The following TIAM1 variants were observed in gnomAD, a reference collection of about 807,000 sequenced individuals.
The protein encoded by TIAM1 is TIAM Rac1 associated GEF 1.
A neutral mutation model predicts 163.5 loss-of-function variants in TIAM1; 65 were observed. The observed-to-expected ratio is 0.40, with a 90% CI of 0.33 to 0.49. The LOEUF is 0.49. Ranked by LOEUF, TIAM1 falls within the 20% of genes least tolerant of loss-of-function variation. The pLI is 0.77. For synonymous variants in TIAM1, 833 were observed against 810.1 expected, an observed-to-expected ratio of 1.03 and a Z score of -0.48; for missense variants, 1,789 against 2,044.7, an observed-to-expected ratio of 0.87 and a Z score of 2.41.
At chr21:31,174,998 AG>A (rs893804183) in intron 15 of TIAM1, among the ~76,000 whole-genome samples, 7 of 152,116 alleles carry the variant, frequency 4.6e-5, no homozygotes, top group African/African-American at 1.7e-4. Context: ...GGCTGTGTGT[AG>A]TGGTATGATC....
At chr21:31,269,774 C>T (rs2072974514) in intron 3 of TIAM1, among the ~76,000 whole-genome samples, 1 of 151,870 alleles carries the variant, frequency 6.6e-6, no homozygotes, top group African/African-American at 2.4e-5. Context: ...CAGGTTCACG[C>T]CATTCTCCTG....
Position 31,210,603 on chromosome 21 carries a change from AAG to A in TIAM1, c.2218-390_2218-389del, listed in dbSNP as rs1569031507. 2.6e-3 allele frequency among the ~76,000 whole-genome samples: 286 copies of A among 108,314 alleles called. 14 individuals carry two copies. The highest frequency in any genetic ancestry group is 9.7e-3 in the Admixed American group (94 of 9,650). 71.1% of individuals were successfully genotyped at this position (108,314 alleles called of 152,430 possible). On this transcript the variant is annotated intron_variant, in intron 10 of 27. Coordinates refer to ENST00000541036, the MANE Select transcript of TIAM1 (RefSeq NM_001353694.2). ...GAAAGAAAGAAAGAAAGAGAGAAAG[AAG>A]GAAGGAAGGGAGAAAGAAAGAAAGA...
chr21:31,363,814 G>A (rs2076449924), intron 2 of TIAM1, among the ~76,000 whole-genome samples: 1 of 152,118 alleles, frequency 6.6e-6, no homozygotes, highest in Non-Finnish European at 1.5e-5. Context: ...CTCTGTTTCT[G>A]AGGAAACTCT....
At chr21:31,423,700 T>TAAAAAAAAAAAAAAAAAA (rs200137644) in intron 2 of TIAM1, among the ~76,000 whole-genome samples, 1 of 48,224 alleles carries the variant, frequency 2.1e-5, no homozygotes. Context: ...TAGAAAGTTG[T>TAAAAAAAAAAAAAAAAAA]AAAAAAAAAA....
chr21:31,260,619 T>C (rs2072407301), intron 4 of TIAM1, among the ~76,000 whole-genome samples: 1 of 151,816 alleles, frequency 6.6e-6, no homozygotes. Context: ...TATATTCTTG[T>C]TGAAAATGCA....
At chr21:31,128,396 C>T (rs1360421261) in intron 25 of TIAM1, among the ~76,000 whole-genome samples, 1 of 152,106 alleles carries the variant, frequency 6.6e-6, no homozygotes, top group Non-Finnish European at 1.5e-5. Flanking sequence ...AATGGAATGT[C>T]GTATTACAAA....
intron 14 of TIAM1, 74 bp downstream of exon 14, chr21:31,186,927 T>C (rs2085332786): frequency 7.9e-7 from 1 of 1,260,362 alleles, no homozygotes; most frequent in Non-Finnish European, 1.2e-6. Context: ...TGGGCATATC[T>C]TTCTCCTTCA....
intron 25 of TIAM1, among the ~76,000 whole-genome samples, chr21:31,128,106 C>T (rs1382708287): frequency 6.6e-6 from 1 of 152,232 alleles, no homozygotes; most frequent in African/African-American, 2.4e-5. Context: ...ACATTCAGGC[C>T]ATACATTGTG....
rs1464143180 is a variant in TIAM1 at position 31,156,170 on chromosome 21, C to T, written c.2992-1744G>A. Among the ~76,000 whole-genome samples, 3 of 152,164 alleles carry T rather than the reference C, an allele frequency of 2.0e-5. No homozygotes were observed. The East Asian group carries it at 5.8e-4, about 29-fold the overall frequency. On this transcript the variant is annotated intron_variant, in intron 16 of 27. Coordinates refer to ENST00000541036, the MANE Select transcript of TIAM1 (RefSeq NM_001353694.2). ...GAGGCAAGGACAGGGAAAATCAGAA[C>T]CTAAGAAGGATGCATTAGCTGCAGT...
chr21:31,543,899 G>A (rs981995948), intron 1 of TIAM1, among the ~76,000 whole-genome samples: 18 of 145,164 alleles, frequency 1.2e-4, no homozygotes, highest in African/African-American at 3.9e-4. Flanking sequence ...CATATTACAC[G>A]TCCTTAACCA....
intron 1 of TIAM1, among the ~76,000 whole-genome samples, chr21:31,487,434 G>A (rs564034350): frequency 3.3e-5 from 5 of 152,100 alleles, no homozygotes; most frequent in East Asian, 1.9e-4. Flanking sequence ...GCAGTGGTGC[G>A]ATCTCGGCTC....
chr21:31,411,903 T>C lies in TIAM1; in HGVS notation c.-369+52080A>G, dbSNP rs756262020. On this transcript the variant is annotated intron_variant, in intron 2 of 28. Transcript: ENST00000286827. ...TGGGCAATCGGACAGCACTAGAAAG[T>C]GCATTTCGTCAGCTCTTTTAAAGAA... 2.7e-4 allele frequency among the ~76,000 whole-genome samples: 39 copies of C among 143,002 alleles called. 1 individual carries two copies. The highest frequency in any genetic ancestry group is 4.9e-4 in the Non-Finnish European group (31 of 63,782). The allele number at this position is 143,002 out of a possible 152,430, so 93.8% of individuals were successfully genotyped here.
chr21:31,465,897 G>A (rs929966095), intron 1 of TIAM1, among the ~76,000 whole-genome samples: 1 of 152,036 alleles, frequency 6.6e-6, no homozygotes, highest in East Asian at 1.9e-4. Flanking sequence ...TAGTAGAGAC[G>A]GGGTTTCACC....
chr21:31,319,487 ACTATAAC>A (rs1569213774), intron 2 of TIAM1, among the ~76,000 whole-genome samples: 1 of 152,114 alleles, frequency 6.6e-6, no homozygotes, highest in Non-Finnish European at 1.5e-5. Context: ...TAAAAAAATT[ACTATAAC>A]CTGGCCGGGC....
chr21:31,228,958 ACT>A (rs1399186872), intron 6 of TIAM1, among the ~76,000 whole-genome samples: 6 of 152,156 alleles, frequency 3.9e-5, no homozygotes, highest in Non-Finnish European at 7.4e-5. Flanking sequence ...GTGAGAACTC[ACT>A]CACTTTCACA....
rs1228345840 is a variant in TIAM1, at chr21:31,359,860, GGA to G, written c.-368-20440_-368-20439del. The stretch of plus-strand genomic sequence containing the variant: ...AGGAAGGAAGGAAGGAAGGAAGGAA[GGA>G]AGGGAGGGAGGGAGGAAAGACAATG... On this transcript the variant is annotated intron_variant, in intron 2 of 28. Transcript: ENST00000286827. Among the ~76,000 whole-genome samples the G allele has an allele frequency of 4.4e-3, 636 of 144,788 alleles. 16 individuals are homozygous for G. The highest frequency in any genetic ancestry group is 0.016 in the Admixed American group (226 of 14,378). 95.0% of individuals were successfully genotyped at this position (144,788 alleles called of 152,430 possible). A position where few individuals can be genotyped will look rare whatever the true frequency, so the allele number is the denominator to read the frequency against.
intron 1 of TIAM1, among the ~76,000 whole-genome samples, chr21:31,487,554 A>T (rs1229652683): frequency 1.4e-3 from 163 of 114,590 alleles, no homozygotes; most frequent in Middle Eastern, 5.2e-3. Context: ...TTTTTTTTGT[A>T]TTTTTTTTTT....
chr21:31,341,886 T>A (rs190744906), intron 1 of TIAM1, among the ~76,000 whole-genome samples: 2 of 152,076 alleles, frequency 1.3e-5, no homozygotes, highest in African/African-American at 4.8e-5. Flanking sequence ...CCAATTAAGA[T>A]ACCATCAAAA....
chr21:31,345,139 T>A (rs977933039), upstream of TIAM1, among the ~76,000 whole-genome samples: 1 of 152,124 alleles, frequency 6.6e-6, no homozygotes, highest in Non-Finnish European at 1.5e-5. Flanking sequence ...AAGAAAACGG[T>A]AAATCTGAAG....
Sources: allele counts gnomAD v4.1 joint callset (sites outside exome capture counted in the v4.1 genomes callset), GRCh38; gene constraint gnomAD v4.1.1; transcripts MANE v1.5; gene names NCBI Gene and HGNC (gene_info 2026-07-23, HGNC 2026-07-21).